The following CHN2 variants were observed in gnomAD, a reference collection of about 807,000 sequenced individuals.
The protein encoded by CHN2 is chimerin 2.
Under a neutral mutation model 56.3 loss-of-function variants are expected in CHN2, and 35 were observed. That is an observed-to-expected ratio of 0.62 (90% confidence interval 0.47 to 0.82). The LOEUF is 0.82. Ranked by LOEUF, CHN2 falls within the 40% of genes least tolerant of loss-of-function variation. The pLI is 0.00. For missense variants in CHN2, 491 were observed against 580.5 expected, an observed-to-expected ratio of 0.85 and a Z score of 1.58; for synonymous variants, 210 against 212.8, an observed-to-expected ratio of 0.99 and a Z score of 0.12.
chr7:29,236,605 G>A (rs1159227914), intron 1 of CHN2, among the ~76,000 whole-genome samples: 1 of 152,178 alleles, frequency 6.6e-6, no homozygotes, highest in Non-Finnish European at 1.5e-5. Flanking sequence ...ACTGAACGTG[G>A]GAGTGAGATC....
Position 29,194,949 on chromosome 7 carries a change from C to T in CHN2, c.8C>T (p.Ala3Val), listed in dbSNP as rs1783462642. 4 of 1,573,998 alleles carry T rather than the reference C, an allele frequency of 2.5e-6. No individual in the cohort carries two copies. In the South Asian group the frequency reaches 4.6e-5, roughly 18 times the overall value. The change falls in exon 1 of 13, where the codon GCG becomes GTG. Residue 3 changes from alanine (A) to valine (V), a missense_variant. Physicochemically the swap from Ala to Val is moderately conservative, Grantham distance 64. Transcript: ENST00000222792. Reference sequence around the variant, plus strand: ...CGCGAGGGGCGCGCGGAGATGGCAGCGTCCAGCAACTCCAGCCTGTCCGGC... The same window carrying T: ...CGCGAGGGGCGCGCGGAGATGGCAGTGTCCAGCAACTCCAGCCTGTCCGGC... MA[A>V]SSNSSLSGSS...
Position 29,320,049 on chromosome 7 carries a change from C to T in CHN2, c.50-34576C>T, listed in dbSNP as rs114945107. ...AGTGAGGAACTCTGCTCAGCACTTA[C>T]ATCAGCTCACTGAATCCTTCCAGTC... On this transcript the variant is annotated intron_variant, in intron 1 of 12. Transcript: ENST00000222792. 6.5e-3 allele frequency among the ~76,000 whole-genome samples: 994 copies of T among 152,314 alleles called. 14 individuals are homozygous for T. Among genetic ancestry groups the T allele is most frequent in the African/African-American group, 0.022 (934 of 41,562 alleles).
chr7:29,186,253 C>CAA (rs70980510), intron 2 of CHN2, among the ~76,000 whole-genome samples: 45 of 146,186 alleles, frequency 3.1e-4, no homozygotes, highest in African/African-American at 9.5e-4. Context: ...ATGTTTTAGG[C>CAA]AAAAAAAAAA....
chr7:29,297,828 GAA>G (rs1317082078), intron 1 of CHN2, among the ~76,000 whole-genome samples: 1 of 152,188 alleles, frequency 6.6e-6, no homozygotes, highest in African/African-American at 2.4e-5. Context: ...ACCTATCTGT[GAA>G]AAGAGGACAG....
chr7:29,276,267 GGTGT>G (rs1791208907), intron 1 of CHN2, among the ~76,000 whole-genome samples: 1 of 152,192 alleles, frequency 6.6e-6, no homozygotes, highest in Non-Finnish European at 1.5e-5. Flanking sequence ...GTAGAAAAGA[GGTGT>G]AGAGGCTGTA....
At chr7:29,480,106 G>A (rs1008649724) in intron 6 of CHN2, 173 bp from the exon 7 acceptor site, 1 of 1,552,422 alleles carries the variant, frequency 6.4e-7, no homozygotes, top group Admixed American at 2.0e-5. Flanking sequence ...TGGGATCCAG[G>A]CACTATGTTC....
chr7:29,211,583 T>G (rs377668102), intron 1 of CHN2, among the ~76,000 whole-genome samples: 31 of 152,240 alleles, frequency 2.0e-4, no homozygotes, highest in African/African-American at 7.0e-4. Context: ...TTCATTTATC[T>G]AAAAACTATC....
chr7:29,368,805 G>A (rs1189528851), intron 3 of CHN2, among the ~76,000 whole-genome samples: 1 of 152,118 alleles, frequency 6.6e-6, no homozygotes, highest in Non-Finnish European at 1.5e-5. Context: ...TCAGAGCCAA[G>A]TTATCATGGT....
At chr7:29,171,920 T>C (rs1482006971) in intron 2 of CHN2, among the ~76,000 whole-genome samples, 2 of 152,186 alleles carry the variant, frequency 1.3e-5, no homozygotes, top group Admixed American at 6.5e-5. Context: ...AATTCCCATA[T>C]GTTTGACTTT....
intron 1 of CHN2, among the ~76,000 whole-genome samples, chr7:29,271,912 T>G (rs1221392066): frequency 6.6e-6 from 1 of 152,186 alleles, no homozygotes; most frequent in Non-Finnish European, 1.5e-5. Flanking sequence ...TCATACTGCA[T>G]GTAGCTGGGG....
intron 6 of CHN2, among the ~76,000 whole-genome samples, chr7:29,426,745 C>T (rs746199166): frequency 5.9e-5 from 9 of 152,178 alleles, no homozygotes; most frequent in Non-Finnish European, 1.2e-4. Flanking sequence ...ATGGACCAGG[C>T]GGACTCTTAT....
intron 2 of CHN2, among the ~76,000 whole-genome samples, chr7:29,189,575 G>C (rs1453710207): frequency 6.6e-6 from 1 of 152,108 alleles, no homozygotes; most frequent in Non-Finnish European, 1.5e-5. Context: ...AAGTGTCAGG[G>C]AACAAAGCCA....
At chr7:29,295,552 C>T (rs1046440086) in intron 1 of CHN2, among the ~76,000 whole-genome samples, 2 of 150,592 alleles carry the variant, frequency 1.3e-5, no homozygotes, top group Non-Finnish European at 3.0e-5. Context: ...CACTTAAGCC[C>T]AGGAGTTCAA....
chr7:29,423,572 A>G (rs1804553926), intron 6 of CHN2, among the ~76,000 whole-genome samples: 1 of 152,262 alleles, frequency 6.6e-6, no homozygotes, highest in Non-Finnish European at 1.5e-5. Context: ...AAACCTGGCC[A>G]GCAACGGTTC....
At chr7:29,183,573 C>A (rs1487124008) in intron 2 of CHN2, among the ~76,000 whole-genome samples, 1 of 151,856 alleles carries the variant, frequency 6.6e-6, no homozygotes, top group Non-Finnish European at 1.5e-5. Flanking sequence ...GACAGGGTTT[C>A]ACCATGTTGG....
At chr7:29,506,725 A>G (rs920855625) in intron 10 of CHN2, among the ~76,000 whole-genome samples, 10 of 152,184 alleles carry the variant, frequency 6.6e-5, no homozygotes, top group Non-Finnish European at 1.3e-4. Flanking sequence ...CTAGGGGATC[A>G]GGGAGGAAGG....
At chr7:29,262,080 A>G (rs1789599066) in intron 1 of CHN2, among the ~76,000 whole-genome samples, 1 of 152,186 alleles carries the variant, frequency 6.6e-6, no homozygotes, top group South Asian at 2.1e-4. Flanking sequence ...AGGCAGGAGA[A>G]TCGCTTGAAT....
At chr7:29,372,988 A>G (rs542759147) in intron 3 of CHN2, among the ~76,000 whole-genome samples, 4 of 152,370 alleles carry the variant, frequency 2.6e-5, no homozygotes, top group South Asian at 4.1e-4. Flanking sequence ...GGGAAATACA[A>G]TGGCATACTA....
chr7:29,306,216 C>G (rs778275255), intron 1 of CHN2, among the ~76,000 whole-genome samples: 2 of 152,168 alleles, frequency 1.3e-5, no homozygotes, highest in Non-Finnish European at 2.9e-5. Flanking sequence ...GGTCCCTAAA[C>G]TGGTGGTGTC....
Sources: allele counts gnomAD v4.1 joint callset (sites outside exome capture counted in the v4.1 genomes callset), GRCh38; gene constraint gnomAD v4.1.1; transcripts MANE v1.5; gene names NCBI Gene and HGNC (gene_info 2026-07-23, HGNC 2026-07-21).